The following CELF2 variants were observed in gnomAD, a reference collection of about 807,000 sequenced individuals.
The protein encoded by CELF2 is CUGBP Elav-like family member 2.
CELF2 carries 8 observed loss-of-function variants against 62.6 expected under a neutral mutation model. The observed-to-expected ratio is 0.13, with a 90% CI of 0.07 to 0.23. The LOEUF (loss-of-function observed/expected upper bound fraction) is 0.23. CELF2 is among the 10% of genes least tolerant of loss of function. The probability of loss-of-function intolerance (pLI) is 1.00; values close to 1 mark genes in which losing one functional copy is unlikely to be tolerated. For missense variants in CELF2, 333 were observed against 671.0 expected (o/e 0.50, Z 5.56); for synonymous variants, 258 against 250.0 (o/e 1.03, Z -0.30).
intron 1 of CELF2, among the ~76,000 whole-genome samples, chr10:11,085,614 G>A (rs545628453): frequency 6.6e-6 from 1 of 152,172 alleles, no homozygotes; most frequent in Middle Eastern, 3.4e-3. Flanking sequence ...TTGAGGCACA[G>A]AGAGTTGACA....
chr10:10,955,635 T>C (rs975448113), intron 2 of CELF2, among the ~76,000 whole-genome samples: 6 of 152,222 alleles, frequency 3.9e-5, no homozygotes, highest in Non-Finnish European at 2.9e-5. Context: ...GTTTGAATAC[T>C]GCGCCCAGGT....
At chr10:11,018,769 C>CG (rs2057791206) in intron 1 of CELF2, 2 of 152,270 alleles carry the variant, frequency 1.3e-5, no homozygotes, top group Non-Finnish European at 2.9e-5. Context: ...ATTTGAAATG[C>CG]GGGGCTGACG....
Position 11,319,958 on chromosome 10 carries a change from T to A in CELF2, c.1097-1231T>A. ...TTTCCAGGCAGCCTTACCTTAGCTG[T>A]CCTCCATTCTCATTAGACTTCTTAC... On this transcript the variant is annotated intron_variant, in intron 10 of 12. Transcript: ENST00000633077. The surrounding 1 kb of genome is among the most constrained non-coding windows in gnomAD (Gnocchi z 4.4). 4.5e-6 allele frequency: 2 copies of A among 448,930 alleles called. No homozygotes were observed. The highest frequency in any genetic ancestry group is 1.6e-5 in the South Asian group (1 of 62,446). 27.8% of individuals were successfully genotyped at this position (448,930 alleles called of 1,614,324 possible). A position where few individuals can be genotyped will look rare whatever the true frequency, so the allele number is the denominator to read the frequency against.
chr10:10,542,333 C>T, the CELF2 span, among the ~76,000 whole-genome samples: 3 of 152,016 alleles, frequency 2.0e-5, no homozygotes, highest in Non-Finnish European at 4.4e-5. Context: ...TTCTGGAGCC[C>T]ACTTACTTAA....
intron 3 of CELF2, among the ~76,000 whole-genome samples, chr10:11,221,633 A>T (rs994367176): frequency 2.0e-5 from 3 of 152,228 alleles, no homozygotes; most frequent in Admixed American, 1.3e-4. Flanking sequence ...TTAATTAAGG[A>T]TGTAATAACA....
the CELF2 span, among the ~76,000 whole-genome samples, chr10:10,773,428 T>A: frequency 6.6e-6 from 1 of 152,252 alleles, no homozygotes; most frequent in Non-Finnish European, 1.5e-5. Flanking sequence ...TGCAGTGGTT[T>A]GATTTAATTA....
chr10:10,660,010 G>A, the CELF2 span, among the ~76,000 whole-genome samples: 4 of 152,190 alleles, frequency 2.6e-5, no homozygotes, highest in African/African-American at 9.6e-5. Flanking sequence ...GAAGTTCAGA[G>A]AGAGCTGAAT....
At chr10:11,131,348 C>T (rs370551161) in intron 1 of CELF2, among the ~76,000 whole-genome samples, 4 of 152,106 alleles carry the variant, frequency 2.6e-5, no homozygotes, top group Admixed American at 2.6e-4. Context: ...CTCAGTCACT[C>T]GAGGAAAGGT....
At chr10:10,958,293 T>C (rs1185624618) in intron 2 of CELF2, among the ~76,000 whole-genome samples, 1 of 152,212 alleles carries the variant, frequency 6.6e-6, no homozygotes, top group Non-Finnish European at 1.5e-5. Context: ...TCCTCAGAAG[T>C]CCTGTGCGTC....
At chr10:10,519,821 G>A in the CELF2 span, among the ~76,000 whole-genome samples, 1 of 152,224 alleles carries the variant, frequency 6.6e-6, no homozygotes, top group Non-Finnish European at 1.5e-5. Flanking sequence ...ATGGGGAAGG[G>A]TTAAGGCTGT....
intron 2 of CELF2, among the ~76,000 whole-genome samples, chr10:10,964,289 T>C (rs917944405): frequency 1.3e-5 from 2 of 152,178 alleles, no homozygotes; most frequent in African/African-American, 4.8e-5. Flanking sequence ...TAAAAGTGTT[T>C]ATGTTTATCA....
the CELF2 span, among the ~76,000 whole-genome samples, chr10:10,720,365 C>T: frequency 2.6e-5 from 4 of 152,136 alleles, no homozygotes; most frequent in Admixed American, 1.3e-4. Flanking sequence ...TGGAGCTGCC[C>T]GGAGATGGCT....
At chr10:10,786,859 T>C in the CELF2 span, 179 of 152,138 alleles carry the variant, frequency 1.2e-3, 1 homozygote, top group African/African-American at 4.1e-3. Flanking sequence ...TGATCTTTAT[T>C]TGCCTATAAG....
intron 9 of CELF2, among the ~76,000 whole-genome samples, chr10:11,294,664 A>G (rs1028204594): frequency 2.0e-5 from 3 of 151,866 alleles, no homozygotes; most frequent in South Asian, 2.1e-4. Context: ...TGTAATCCCA[A>G]CACTTTGGGA....
the CELF2 span, among the ~76,000 whole-genome samples, chr10:10,789,647 T>A: frequency 6.6e-6 from 1 of 152,162 alleles, no homozygotes; most frequent in Non-Finnish European, 1.5e-5. Context: ...ATTAAAGGTG[T>A]TTACAAATTT....
chr10:10,530,884 G>A, the CELF2 span, among the ~76,000 whole-genome samples: 5 of 152,274 alleles, frequency 3.3e-5, no homozygotes, highest in South Asian at 2.1e-4. Context: ...TTTTAATGCC[G>A]TGTCTTCAAA....
chr10:11,096,585 C>G (rs1206299055), intron 1 of CELF2, among the ~76,000 whole-genome samples: 1 of 152,200 alleles, frequency 6.6e-6, no homozygotes, highest in Non-Finnish European at 1.5e-5. Context: ...ACGGAGCTAA[C>G]TGAGAGCAGC....
chr10:10,583,255 TATA>T, the CELF2 span, among the ~76,000 whole-genome samples: 1 of 152,208 alleles, frequency 6.6e-6, no homozygotes, highest in Non-Finnish European at 1.5e-5. Flanking sequence ...TCTCCACTTT[TATA>T]ACTGCAGGAT....
the CELF2 span, among the ~76,000 whole-genome samples, chr10:10,702,773 A>G: frequency 6.6e-6 from 1 of 152,130 alleles, no homozygotes; most frequent in East Asian, 1.9e-4. Context: ...TTTAGTAGAG[A>G]CGGGTTTTCG....
Sources: gnomAD v4.1 joint callset for allele counts (sites outside exome capture counted in the v4.1 genomes callset) on GRCh38, gnomAD v4.1.1 for gene constraint, Gnocchi (gnomAD v3.1) non-coding constraint, MANE v1.5 for transcripts, NCBI Gene and HGNC (gene_info 2026-07-23, HGNC 2026-07-21) for gene names.